Variants in GLYATL2 observed in about 807,000 individuals in gnomAD.
GLYATL2 encodes glycine N-acyltransferase-like protein 2.
Under a neutral mutation model 21.4 loss-of-function variants are expected in GLYATL2, and 25 were observed. The observed-to-expected ratio is 1.17, with a 90% CI of 0.85 to 1.63. GLYATL2 has a LOEUF of 1.63. GLYATL2 is among the 40% of genes most tolerant of loss of function. The pLI is 0.00. For missense variants in GLYATL2, 361 were observed against 343.3 expected (o/e 1.05, Z -0.41); for synonymous variants, 114 against 118.2 (o/e 0.96, Z 0.23).
At chr11:58,838,419 A>T in intron 2 of GLYATL2, 51 bp from the exon 3 acceptor site, 3 of 1,130,340 alleles carry the variant, frequency 2.7e-6, no homozygotes, top group Non-Finnish European at 4.0e-6. Flanking sequence ...TCTCCAATAT[A>T]GAGTCTTATA....
intron 1 of GLYATL2, chr11:58,892,669 A>G (rs1854564741): frequency 5.6e-6 from 2 of 354,058 alleles, no homozygotes; most frequent in Admixed American, 3.7e-5. Context: ...CAGGTCTTCA[A>G]GAAAGTTTAG....
intron 1 of GLYATL2, among the ~76,000 whole-genome samples, chr11:58,886,129 T>C (rs1854434828): frequency 6.6e-6 from 1 of 152,152 alleles, no homozygotes; most frequent in Non-Finnish European, 1.5e-5. Context: ...GGTGGGAGGA[T>C]GGCTTGAGCC....
At chr11:58,894,248 G>T (rs1477204493) in intron 1 of GLYATL2, among the ~76,000 whole-genome samples, 1 of 152,164 alleles carries the variant, frequency 6.6e-6, no homozygotes, top group Non-Finnish European at 1.5e-5. Context: ...GTGAGGACTG[G>T]AGAGTGAGTA....
At chr11:58,846,946 GGAAT>G (rs1457423952), upstream of GLYATL2, among the ~76,000 whole-genome samples, 1 of 151,858 alleles carries the variant, frequency 6.6e-6, no homozygotes, top group Non-Finnish European at 1.5e-5. Context: ...CTCTGCTTGA[GGAAT>G]GAAAAAGAAA....
chr11:58,845,732 C>CT (rs1853630778), upstream of GLYATL2, among the ~76,000 whole-genome samples: 1 of 152,136 alleles, frequency 6.6e-6, no homozygotes, highest in African/African-American at 2.4e-5. Context: ...AAATAAATGT[C>CT]TTCCCCCAGG....
At chr11:58,905,714 ACC>A, upstream of GLYATL2, 1 of 169,466 alleles carries the variant, frequency 5.9e-6, no homozygotes, top group Non-Finnish European at 1.2e-5. Context: ...GATCGCTGGG[ACC>A]GGGATGGGTC....
intron 1 of GLYATL2, among the ~76,000 whole-genome samples, chr11:58,862,490 C>T (rs763928829): frequency 1.2e-4 from 19 of 152,114 alleles, no homozygotes; most frequent in Admixed American, 3.3e-4. Flanking sequence ...GATTTATTCA[C>T]TTTTTCTCAT....
chr11:58,897,305 A>G (rs1854651494), intron 1 of GLYATL2, among the ~76,000 whole-genome samples: 1 of 152,084 alleles, frequency 6.6e-6, no homozygotes, highest in African/African-American at 2.4e-5. Flanking sequence ...TCCAAAAGAA[A>G]CTCTTATAAA....
rs371809820 is a variant in GLYATL2 at position 58,834,415 on chromosome 11, G to C, written c.*14C>G. 1.9e-6 allele frequency: 3 copies of C among 1,556,564 alleles called. No homozygotes were observed. The highest frequency in any genetic ancestry group is 2.6e-6 in the Non-Finnish European group (3 of 1,153,498). ...TTACTGATAAGAAAGATTTGAAATG[G>C]ACAGTGGAATCAATCAACAATATTT... On this transcript the variant is annotated 3_prime_UTR_variant, in exon 6 of 6. Coordinates refer to ENST00000287275, the MANE Select transcript of GLYATL2 (RefSeq NM_145016.4).
At chr11:58,842,435 T>A (rs1853569728) in intron 1 of GLYATL2, among the ~76,000 whole-genome samples, 1 of 151,956 alleles carries the variant, frequency 6.6e-6, no homozygotes, top group Non-Finnish European at 1.5e-5. Context: ...CATGTCTGCA[T>A]GGATTTTCTC....
At chr11:58,838,871 C>A (rs949305453) in intron 2 of GLYATL2, among the ~76,000 whole-genome samples, 2 of 151,976 alleles carry the variant, frequency 1.3e-5, no homozygotes, top group Non-Finnish European at 2.9e-5. Context: ...CACTACCTGT[C>A]TAGGAAGTGA....
chr11:58,879,842 CT>C (rs1285127464), intron 1 of GLYATL2, among the ~76,000 whole-genome samples: 4 of 133,254 alleles, frequency 3.0e-5, no homozygotes, highest in East Asian at 4.5e-4. Context: ...ACAACAATTT[CT>C]TTTTTTCCTT....
chr11:58,863,457 C>T (rs891794243), intron 1 of GLYATL2, among the ~76,000 whole-genome samples: 1 of 152,164 alleles, frequency 6.6e-6, no homozygotes, highest in Non-Finnish European at 1.5e-5. Flanking sequence ...GAGCCTTCAT[C>T]CATGATGGCC....
chr11:58,866,620 G>A (rs1004936730), intron 1 of GLYATL2, among the ~76,000 whole-genome samples: 1 of 148,928 alleles, frequency 6.7e-6, no homozygotes, highest in African/African-American at 2.4e-5. Flanking sequence ...AGCCAGTAAA[G>A]AAATCTTTTT....
At chr11:58,876,740 G>A (rs1854241177) in intron 1 of GLYATL2, among the ~76,000 whole-genome samples, 1 of 152,184 alleles carries the variant, frequency 6.6e-6, no homozygotes, top group African/African-American at 2.4e-5. Context: ...GGGGTCAGGG[G>A]CCCACTTGAG....
chr11:58,882,664 T>A (rs1391863340), intron 1 of GLYATL2, among the ~76,000 whole-genome samples: 1 of 152,250 alleles, frequency 6.6e-6, no homozygotes, highest in East Asian at 1.9e-4. Context: ...CCCATGCCGA[T>A]GTCCTGAATG....
chr11:58,905,651 A>T (rs1239035386), upstream of GLYATL2: 1 of 454,856 alleles, frequency 2.2e-6, no homozygotes, highest in African/African-American at 2.0e-5. Context: ...GTGACTGCTT[A>T]GTTTATCCTG....
chr11:58,849,485 G>C (rs148762028), upstream of GLYATL2, among the ~76,000 whole-genome samples: 1 of 152,156 alleles, frequency 6.6e-6, no homozygotes, highest in East Asian at 1.9e-4. Context: ...GATCCACCAA[G>C]ATTGAACGAG....
At chr11:58,843,742 TAGG>T (rs1853594220) in intron 1 of GLYATL2, among the ~76,000 whole-genome samples, 1 of 151,988 alleles carries the variant, frequency 6.6e-6, no homozygotes, top group African/African-American at 2.4e-5. Flanking sequence ...TACTTAAAAA[TAGG>T]AGATTGGGAT....
Sources: allele counts gnomAD v4.1 joint callset (sites outside exome capture counted in the v4.1 genomes callset), GRCh38; gene constraint gnomAD v4.1.1; transcripts MANE v1.5; gene names NCBI Gene and HGNC (gene_info 2026-07-23, HGNC 2026-07-21).